Variants in LRRC8C observed in about 807,000 individuals in gnomAD.
The protein encoded by LRRC8C is volume-regulated anion channel subunit LRRC8C.
A neutral mutation model predicts 55.3 loss-of-function variants in LRRC8C; 20 were observed. The observed-to-expected ratio is 0.36, with a 90% CI of 0.25 to 0.53. The LOEUF (loss-of-function observed/expected upper bound fraction) is 0.53, where lower values mean the gene tolerates loss of function less well. Ranked by LOEUF, LRRC8C falls within the 20% of genes least tolerant of loss-of-function variation. LRRC8C has a pLI of 0.92. For missense variants in LRRC8C, 659 were observed against 951.4 expected, an observed-to-expected ratio of 0.69 and a Z score of 4.04; for synonymous variants, 376 against 360.7, an observed-to-expected ratio of 1.04 and a Z score of -0.48.
intron 1 of LRRC8C, among the ~76,000 whole-genome samples, chr1:89,659,322 T>C (rs1012504094): frequency 6.6e-6 from 1 of 152,204 alleles, no homozygotes; most frequent in Non-Finnish European, 1.5e-5. Context: ...TGTTTTGTTC[T>C]GTTACGGAAT....
At chr1:89,631,369 G>C (rs980394692), upstream of LRRC8C, among the ~76,000 whole-genome samples, 11 of 152,088 alleles carry the variant, frequency 7.2e-5, no homozygotes, top group African/African-American at 2.7e-4. Context: ...CTTGACACTG[G>C]GTAGCAAGGG....
At chr1:89,662,280 A>G (rs1283785987) in intron 1 of LRRC8C, among the ~76,000 whole-genome samples, 2 of 152,242 alleles carry the variant, frequency 1.3e-5, no homozygotes, top group African/African-American at 2.4e-5. Context: ...AGCTTGTGCT[A>G]GAAGGCCCAG....
intron 2 of LRRC8C, among the ~76,000 whole-genome samples, chr1:89,689,648 A>G (rs1208092926): frequency 1.3e-5 from 2 of 152,060 alleles, no homozygotes; most frequent in Non-Finnish European, 2.9e-5. Context: ...TACAAGAGAA[A>G]AAGAGAAATC....
chr1:89,707,608 C>G (rs541412611), intron 2 of LRRC8C, among the ~76,000 whole-genome samples: 9 of 151,146 alleles, frequency 6.0e-5, no homozygotes, highest in Admixed American at 2.6e-4. Flanking sequence ...GTGATTTCTA[C>G]AAAATGCATT....
the LRRC8C span, among the ~76,000 whole-genome samples, chr1:89,619,694 A>G: frequency 6.6e-6 from 1 of 151,956 alleles, no homozygotes; most frequent in South Asian, 2.1e-4. Context: ...TTTAACCTCT[A>G]CCATATGGAA....
intron 1 of LRRC8C, among the ~76,000 whole-genome samples, chr1:89,681,944 G>A (rs1365205745): frequency 2.0e-5 from 3 of 152,168 alleles, no homozygotes; most frequent in African/African-American, 7.2e-5. Flanking sequence ...TTGGGAGGCC[G>A]AGGTGAGCAG....
At chr1:89,673,819 C>A (rs568398569) in intron 1 of LRRC8C, among the ~76,000 whole-genome samples, 1 of 152,170 alleles carries the variant, frequency 6.6e-6, no homozygotes, top group East Asian at 1.9e-4. Context: ...GGAAAGTACT[C>A]TCTGACAGAG....
At chr1:89,691,162 T>A (rs1658017569) in intron 2 of LRRC8C, among the ~76,000 whole-genome samples, 1 of 152,172 alleles carries the variant, frequency 6.6e-6, no homozygotes, top group Non-Finnish European at 1.5e-5. Flanking sequence ...GCTAATTGTC[T>A]GAAGACCATA....
intron 1 of LRRC8C, among the ~76,000 whole-genome samples, chr1:89,654,316 T>C (rs999463909): frequency 6.6e-6 from 1 of 152,182 alleles, no homozygotes; most frequent in African/African-American, 2.4e-5. Context: ...ATAAGTACAA[T>C]GAACATTATT....
intron 1 of LRRC8C, chr1:89,661,179 C>A: frequency 5.3e-6 from 1 of 190,350 alleles, no homozygotes; most frequent in Non-Finnish European, 1.1e-5. Context: ...GGAAGACCTT[C>A]ATTCTAAAGC....
chr1:89,696,216 C>T (rs1570732628), intron 2 of LRRC8C, among the ~76,000 whole-genome samples: 1 of 152,232 alleles, frequency 6.6e-6, no homozygotes, highest in East Asian at 1.9e-4. Context: ...CAAGATCAGG[C>T]AGAAGAACAT....
chr1:89,617,448 G>C, the LRRC8C span, among the ~76,000 whole-genome samples: 1 of 152,170 alleles, frequency 6.6e-6, no homozygotes, highest in Non-Finnish European at 1.5e-5. Flanking sequence ...ACATGTTCTA[G>C]GTAAGCCAGA....
intron 1 of LRRC8C, among the ~76,000 whole-genome samples, chr1:89,636,818 T>C (rs1265915379): frequency 6.6e-6 from 1 of 152,214 alleles, no homozygotes; most frequent in Non-Finnish European, 1.5e-5. Context: ...CCACTCCTAA[T>C]GCTATTTTAA....
Position 89,714,028 on chromosome 1 carries a change from C to T in LRRC8C, c.1458C>T (p.Leu486=). The T allele has an allele frequency of 1.2e-6, 2 of 1,613,686 alleles. No individual in the cohort carries two copies. Among genetic ancestry groups the T allele is most frequent in the Non-Finnish European group, 1.7e-6 (2 of 1,180,022 alleles). Residue 486 remains leucine, a synonymous_variant, in exon 3 of 3, where the codon CTC becomes CTT. Transcript: ENST00000370454. This position sits in a 1 kb window ranked among gnomAD's most constrained non-coding sequence, Gnocchi z 4.6. ...QCSVKIHSAA[L]SFLKENLKVL... is the part of the protein sequence containing the mutation. ...CTGTCAAAATCCACAGTGCGGCGCT[C>T]TCTTTCCTGAAGGAAAACCTCAAGG... is the stretch of plus-strand genomic sequence containing the variant.
chr1:89,636,626 TCACCCTTGACCAAGCCTC>T (rs67153129), intron 1 of LRRC8C, among the ~76,000 whole-genome samples: 83,842 of 151,146 alleles, frequency 0.55, 23,615 homozygotes, highest in East Asian at 0.79. Context: ...ACCACACACC[TCACCCTTGACCAAGCCTC>T]CACCAGCTGA....
Position 89,716,110 on chromosome 1 carries a change from A to G in LRRC8C, c.*1128A>G, listed in dbSNP as rs1306391910. The G allele has an allele frequency of 6.6e-6, 1 of 152,220 alleles. No individual in the cohort carries two copies. The highest frequency in any genetic ancestry group is 2.4e-5 in the African/African-American group (1 of 41,452). The allele number at this position is 152,220 out of a possible 1,614,324, so 9.4% of individuals were successfully genotyped here. ...AATATGTACAGACTTTTTCCTTGTC[A>G]TTATTCCCTAAACAATACAGCGTAA... On this transcript the variant is annotated 3_prime_UTR_variant, in exon 3 of 3. Coordinates refer to ENST00000370454, the MANE Select transcript of LRRC8C (RefSeq NM_032270.5).
intron 1 of LRRC8C, among the ~76,000 whole-genome samples, chr1:89,633,528 C>A (rs1656191860): frequency 6.6e-6 from 1 of 152,212 alleles, no homozygotes; most frequent in South Asian, 2.1e-4. Flanking sequence ...AGCCCGCCAA[C>A]CCCTACCCCA....
At chr1:89,701,947 C>T (rs1462629384) in intron 2 of LRRC8C, among the ~76,000 whole-genome samples, 1 of 152,042 alleles carries the variant, frequency 6.6e-6, no homozygotes, top group African/African-American at 2.4e-5. Context: ...CATAAATGCA[C>T]CAAGCAAGAT....
chr1:89,686,482 C>T lies in LRRC8C; in HGVS notation c.9C>T (p.Pro3=), dbSNP rs112191990. The change falls in exon 2 of 3, where the codon CCC becomes CCT. Residue 3 remains proline, a synonymous_variant. Transcript: ENST00000370454. MI[P]VTEFRQFSEQ... ...TCTCCTTTCTCAGAAACATGATTCC[C>T]GTGACAGAATTCCGGCAGTTCTCTG... The T allele has an allele frequency of 2.8e-4, 447 of 1,614,064 alleles. 2 individuals carry two copies. In the Middle Eastern group the frequency reaches 6.8e-3, roughly 24 times the overall value.
Sources: gnomAD v4.1 joint callset for allele counts (sites outside exome capture counted in the v4.1 genomes callset) on GRCh38, gnomAD v4.1.1 for gene constraint, Gnocchi (gnomAD v3.1) non-coding constraint, MANE v1.5 for transcripts, NCBI Gene and HGNC (gene_info 2026-07-23, HGNC 2026-07-21) for gene names.